The following ACAT1 variants were observed in gnomAD, a reference collection of about 807,000 sequenced individuals.
ACAT1 encodes the protein acetyl-CoA acetyltransferase, mitochondrial.
ACAT1 carries 28 observed loss-of-function variants against 47.3 expected under a neutral mutation model. That is an observed-to-expected ratio of 0.59 (90% CI 0.44 to 0.81). ACAT1 has a LOEUF of 0.81. Ranked by LOEUF, ACAT1 falls within the 30% of genes least tolerant of loss-of-function variation. The pLI is 0.00. For missense variants in ACAT1, 469 were observed against 524.3 expected, an observed-to-expected ratio of 0.89 and a Z score of 1.03; for synonymous variants, 181 against 173.6, an observed-to-expected ratio of 1.04 and a Z score of -0.34.
At chr11:108,133,796 T>C in intron 2 of ACAT1, 24 bp from the exon 3 acceptor site, 1 of 1,579,868 alleles carries the variant, frequency 6.3e-7, no homozygotes. Context: ...TACCTATAAT[T>C]TTTACCATCT....
chr11:108,145,252 A>G (rs2077681091), intron 10 of ACAT1, among the ~76,000 whole-genome samples: 1 of 152,254 alleles, frequency 6.6e-6, no homozygotes, highest in East Asian at 1.9e-4. Flanking sequence ...ATGACTTACA[A>G]TGAAACTGCA....
At chr11:108,136,890 T>C (rs373620267) in intron 5 of ACAT1, 13 of 152,384 alleles carry the variant, frequency 8.5e-5, no homozygotes, top group East Asian at 7.7e-4. Flanking sequence ...GAAGATATTA[T>C]TGGCTTTATG....
upstream of ACAT1, among the ~76,000 whole-genome samples, chr11:108,117,309 CTT>C (rs1161979278): frequency 3.3e-4 from 46 of 137,668 alleles, no homozygotes; most frequent in Non-Finnish European, 2.5e-4. Flanking sequence ...CTGTCTCTCT[CTT>C]TTTTTTTTTT....
At chr11:108,121,913 A>G in intron 1 of ACAT1, 1 of 582,382 alleles carries the variant, frequency 1.7e-6, no homozygotes, top group Non-Finnish European at 3.1e-6. Context: ...TAATCATCTT[A>G]ATGAGCGTTA....
chr11:108,142,550 G>C lies in ACAT1; in HGVS notation c.940G>C (p.Ala314Pro), dbSNP rs781364671. 6.2e-6 allele frequency: 10 copies of C among 1,612,684 alleles called. No individual in the cohort carries two copies. Among genetic ancestry groups the C allele is most frequent in the African/African-American group, 5.3e-5 (4 of 74,904 alleles). The change falls in exon 9 of 12, where the codon GCA (alanine) becomes CCA (proline). Residue 314 changes from alanine (A) to proline (P), a missense_variant and splice_region_variant. Ala to Pro is a conservative substitution (Grantham distance 27). Coordinates refer to ENST00000265838, the MANE Select transcript of ACAT1 (RefSeq NM_000019.4). ...TGTTACACCACTGGCAAGAATAGTA[G>C]GTAAGGCCAGGCGAGGTGGCTCACA... ...LNVTPLARIV[A>P]FADAAVEPID...
chr11:108,125,081 G>T (rs1180335261), intron 1 of ACAT1, among the ~76,000 whole-genome samples: 1 of 152,202 alleles, frequency 6.6e-6, no homozygotes, highest in Non-Finnish European at 1.5e-5. Flanking sequence ...TGTGTCTGCT[G>T]CCATCACTGG....
chr11:108,133,442 G>A (rs891481084), intron 2 of ACAT1, among the ~76,000 whole-genome samples: 8 of 151,950 alleles, frequency 5.3e-5, no homozygotes, highest in Non-Finnish European at 7.4e-5. Flanking sequence ...CTATGATTGT[G>A]CCACTGCATT....
chr11:108,147,259 C>CTTAAT lies in ACAT1; in HGVS notation c.1164-8_1164-4dup, dbSNP rs760366592. 8.7e-6 allele frequency: 14 copies of CTTAAT among 1,613,356 alleles called. No individual in the cohort carries two copies. Among genetic ancestry groups the CTTAAT allele is most frequent in the Non-Finnish European group, 1.2e-5 (14 of 1,179,652 alleles). The stretch of plus-strand genomic sequence containing the variant: ...ACTTCATTAAAGAAGTAAATGCTTT[C>CTTAAT]TTAATTTTAGGATGTCTGGAGCCAG... On this transcript the variant is annotated splice_polypyrimidine_tract_variant and intron_variant, in intron 11 of 11. Transcript: ENST00000265838.
chr11:108,125,026 C>T (rs2077223001), intron 1 of ACAT1, among the ~76,000 whole-genome samples: 1 of 152,152 alleles, frequency 6.6e-6, no homozygotes, highest in African/African-American at 2.4e-5. Context: ...AATTTTGTTT[C>T]TCTGAGTTAT....
chr11:108,122,183 T>G (rs1330098720), intron 1 of ACAT1, among the ~76,000 whole-genome samples: 2 of 152,214 alleles, frequency 1.3e-5, no homozygotes, highest in Non-Finnish European at 2.9e-5. Context: ...CAGCCTGAAA[T>G]TTATCAGGGA....
upstream of ACAT1, among the ~76,000 whole-genome samples, chr11:108,117,309 CTTT>C (rs1161979278): frequency 4.4e-5 from 6 of 137,786 alleles, no homozygotes; most frequent in Admixed American, 7.2e-5. Context: ...CTGTCTCTCT[CTTT>C]TTTTTTTTTT....
chr11:108,129,794 C>CA (rs1197878582), intron 1 of ACAT1, among the ~76,000 whole-genome samples: 8 of 152,066 alleles, frequency 5.3e-5, no homozygotes, highest in African/African-American at 1.9e-4. Flanking sequence ...ATACAATGGG[C>CA]AAGCACTAGG....
At chr11:108,140,263 A>C in intron 7 of ACAT1, 48 bp downstream of exon 7, 1 of 1,606,582 alleles carries the variant, frequency 6.2e-7, no homozygotes, top group East Asian at 2.2e-5. Flanking sequence ...CATGTTGCTG[A>C]ATGTTTTATG....
upstream of ACAT1, among the ~76,000 whole-genome samples, chr11:108,118,306 C>G (rs898245859): frequency 6.6e-6 from 1 of 151,998 alleles, no homozygotes; most frequent in Non-Finnish European, 1.5e-5. Context: ...AAATAATTCT[C>G]TCTTAATTGT....
At chr11:108,117,266 A>G (rs1864968452), upstream of ACAT1, among the ~76,000 whole-genome samples, 1 of 151,002 alleles carries the variant, frequency 6.6e-6, no homozygotes, top group Non-Finnish European at 1.5e-5. Flanking sequence ...TGATCGCACC[A>G]CTGCACTCCA....
upstream of ACAT1, chr11:108,121,180 G>GGTCGCCGTATCATTA: frequency 3.6e-6 from 1 of 275,498 alleles, no homozygotes; most frequent in Admixed American, 5.1e-5. Flanking sequence ...CAGCTTGGGT[G>GGTCGCCGTATCATTA]ACAGAGTGAG....
intron 1 of ACAT1, among the ~76,000 whole-genome samples, chr11:108,124,476 T>A (rs1565282964): frequency 6.6e-6 from 1 of 152,126 alleles, no homozygotes; most frequent in Non-Finnish European, 1.5e-5. Flanking sequence ...TTGGTCAGGA[T>A]GGGCTCGAAC....
chr11:108,142,777 C>T (rs2077617602), intron 9 of ACAT1: 1 of 511,656 alleles, frequency 2.0e-6, no homozygotes, highest in Non-Finnish European at 3.6e-6. Context: ...TTTGAGGTTG[C>T]AGTGAACTGA....
chr11:108,146,404 T>G (rs2077710549), intron 11 of ACAT1, 45 bp downstream of exon 11: 1 of 1,600,150 alleles, frequency 6.2e-7, no homozygotes, highest in African/African-American at 1.3e-5. Context: ...GCTGCCTTTG[T>G]GTTTCTAGCT....
Sources: gnomAD v4.1 joint callset for allele counts (sites outside exome capture counted in the v4.1 genomes callset) on GRCh38, gnomAD v4.1.1 for gene constraint, MANE v1.5 for transcripts, NCBI Gene and HGNC (gene_info 2026-07-23, HGNC 2026-07-21) for gene names.